Variants in NTN4 observed in about 807,000 individuals in gnomAD.
NTN4 encodes the protein netrin-4.
NTN4 carries 32 observed loss-of-function variants against 73.6 expected under a neutral mutation model. The ratio of observed to expected loss-of-function variants is 0.44; its 90% confidence interval spans 0.33 to 0.58. The LOEUF is 0.58. Among genes scored for constraint, NTN4 ranks in the 20% least tolerant of loss-of-function variants. NTN4 has a pLI of 0.04. For missense variants in NTN4, 654 were observed against 798.3 expected, an observed-to-expected ratio of 0.82 and a Z score of 2.18; for synonymous variants, 258 against 287.5, an observed-to-expected ratio of 0.90 and a Z score of 1.04.
chr12:95,745,434 A>G (rs990311423), intron 2 of NTN4, among the ~76,000 whole-genome samples: 1 of 152,114 alleles, frequency 6.6e-6, no homozygotes, highest in Non-Finnish European at 1.5e-5. Context: ...TGTCTAGTCT[A>G]CTAATCCTGT....
intron 2 of NTN4, among the ~76,000 whole-genome samples, chr12:95,746,441 G>A (rs1278035785): frequency 1.3e-5 from 2 of 151,668 alleles, no homozygotes; most frequent in African/African-American, 4.9e-5. Flanking sequence ...CCCCTTCTTC[G>A]GGGCCGAGAG....
At chr12:95,727,377 A>C (rs1213877953) in intron 3 of NTN4, among the ~76,000 whole-genome samples, 1 of 152,136 alleles carries the variant, frequency 6.6e-6, no homozygotes. Context: ...CATTCTGTGC[A>C]TTGTCTTTTC....
intron 3 of NTN4, 66 bp downstream of exon 3, chr12:95,737,800 A>G: frequency 1.3e-6 from 2 of 1,520,388 alleles, no homozygotes; most frequent in Admixed American, 3.6e-5. Flanking sequence ...GCATATACCA[A>G]CCAATGCCCA....
At position 95,710,564 on chromosome 12, in the gene NTN4, T is replaced by C. The variant is rs143636646; in HGVS notation, c.1057A>G (p.Asn353Asp). 26 of 1,614,058 alleles carry C rather than the reference T, an allele frequency of 1.6e-5. No individual in the cohort carries two copies. Among genetic ancestry groups the C allele is most frequent in the Non-Finnish European group, 2.1e-5 (25 of 1,180,008 alleles). The change falls in exon 5 of 10, where the codon AAT (asparagine) becomes GAT (aspartate). Residue 353 changes from asparagine to aspartate, a missense_variant. Asn to Asp is a conservative substitution (Grantham distance 23, BLOSUM62 1). Transcript: ENST00000343702. ...FDVNVWEASG[N>D]RSGGVCDDCQ... ...TCATCACAGACACCACCACTACGAT[T>C]CCCTGATGCCTCCCACACATTAACG...
At chr12:95,719,405 A>C (rs1357118935) in intron 3 of NTN4, among the ~76,000 whole-genome samples, 2 of 152,130 alleles carry the variant, frequency 1.3e-5, no homozygotes, top group Admixed American at 6.6e-5. Flanking sequence ...CAATTCATGG[A>C]CCTCTATAGC....
Position 95,790,164 on chromosome 12 carries a change from G to T in NTN4, c.55+91C>A. 1.7e-6 allele frequency: 2 copies of T among 1,165,516 alleles called. No individual in the cohort carries two copies. The highest frequency in any genetic ancestry group is 1.5e-5 in the South Asian group (1 of 64,950). 72.2% of individuals were successfully genotyped at this position (1,165,516 alleles called of 1,614,324 possible). A position where few individuals can be genotyped will look rare whatever the true frequency, so the allele number is the denominator to read the frequency against. ...CCCTCGGGAGCAGCGCTCTGCGCTC[G>T]CAGCCCTGGCTCCCCTGCACCCCCG... On this transcript the variant is annotated intron_variant, in intron 1 of 9. Coordinates refer to ENST00000343702, the MANE Select transcript of NTN4 (RefSeq NM_021229.4). The surrounding 1 kb of genome is among the most constrained non-coding windows in gnomAD (Gnocchi z 6.5).
chr12:95,660,451 T>TA (rs925291430), intron 9 of NTN4, among the ~76,000 whole-genome samples: 71 of 148,324 alleles, frequency 4.8e-4, no homozygotes, highest in East Asian at 3.7e-3. Flanking sequence ...TGTCATACAT[T>TA]AAAAAAAAAA....
intron 4 of NTN4, among the ~76,000 whole-genome samples, chr12:95,712,287 T>C (rs896608916): frequency 1.3e-5 from 2 of 152,182 alleles, no homozygotes; most frequent in African/African-American, 4.8e-5. Context: ...CTTAACTTAC[T>C]GGCTTAATTT....
At chr12:95,709,170 C>T (rs894456627) in intron 5 of NTN4, among the ~76,000 whole-genome samples, 14 of 152,304 alleles carry the variant, frequency 9.2e-5, no homozygotes, top group Non-Finnish European at 2.1e-4. Context: ...TTAAAAAACT[C>T]GCAAATAACC....
intron 7 of NTN4, among the ~76,000 whole-genome samples, chr12:95,674,629 G>A (rs1472135648): frequency 6.6e-6 from 1 of 152,148 alleles, no homozygotes; most frequent in Admixed American, 6.5e-5. Context: ...AGGGTGTTTT[G>A]TTGGTAAAGT....
At chr12:95,702,862 T>G (rs1178503715) in intron 5 of NTN4, among the ~76,000 whole-genome samples, 1 of 148,284 alleles carries the variant, frequency 6.7e-6, no homozygotes, top group African/African-American at 2.5e-5. Flanking sequence ...TTTTTGGTTT[T>G]TTTTTTTTTT....
chr12:95,732,844 C>T (rs751303568), intron 3 of NTN4, among the ~76,000 whole-genome samples: 2 of 152,182 alleles, frequency 1.3e-5, no homozygotes, highest in Non-Finnish European at 2.9e-5. Context: ...AACATAAATA[C>T]ATGAATGAAT....
intron 2 of NTN4, among the ~76,000 whole-genome samples, chr12:95,770,851 T>C (rs957406660): frequency 2.0e-5 from 3 of 152,114 alleles, no homozygotes; most frequent in African/African-American, 7.2e-5. Context: ...TCAGCAAACA[T>C]AGCAGAGGCC....
At chr12:95,729,318 C>T (rs12369354) in intron 3 of NTN4, among the ~76,000 whole-genome samples, 56,302 of 151,384 alleles carry the variant, frequency 0.37, 12,394 homozygotes, top group Non-Finnish European at 0.5. Context: ...AAACCATAAT[C>T]TTCTCTATTT....
At chr12:95,689,297 T>G (rs1212009316) in intron 5 of NTN4, among the ~76,000 whole-genome samples, 1 of 152,224 alleles carries the variant, frequency 6.6e-6, no homozygotes, top group Non-Finnish European at 1.5e-5. Context: ...GGTCACTCCT[T>G]AGCCAAACAT....
chr12:95,786,901 A>C, intron 2 of NTN4, 38 bp downstream of exon 2: 1 of 1,547,488 alleles, frequency 6.5e-7, no homozygotes. Flanking sequence ...ACATTTTTCT[A>C]TCTTACTTAC....
chr12:95,697,320 T>C (rs2078450093), intron 5 of NTN4, among the ~76,000 whole-genome samples: 1 of 152,244 alleles, frequency 6.6e-6, no homozygotes, highest in African/African-American at 2.4e-5. Flanking sequence ...TAGAACTCTT[T>C]GTTCAAGGAA....
intron 2 of NTN4, among the ~76,000 whole-genome samples, chr12:95,785,604 G>A (rs1412861636): frequency 1.3e-5 from 2 of 152,194 alleles, no homozygotes; most frequent in Non-Finnish European, 2.9e-5. Context: ...AAGTCTCCAT[G>A]TATCTATGGA....
intron 7 of NTN4, chr12:95,674,069 G>A (rs1227805141): frequency 6.6e-6 from 1 of 152,228 alleles, no homozygotes; most frequent in East Asian, 1.9e-4. Context: ...TGGCACTGAG[G>A]TGGGAGGATT....
Sources: gnomAD v4.1 joint callset for allele counts (sites outside exome capture counted in the v4.1 genomes callset) on GRCh38, gnomAD v4.1.1 for gene constraint, Gnocchi (gnomAD v3.1) non-coding constraint, MANE v1.5 for transcripts, NCBI Gene and HGNC (gene_info 2026-07-23, HGNC 2026-07-21) for gene names.